MED13L: variants seen among roughly 807,000 people sequenced by gnomAD.
The protein encoded by MED13L is mediator complex subunit 13L, also known as mediator of RNA polymerase II transcription subunit 13-like.
A neutral mutation model predicts 220.9 loss-of-function variants in MED13L; 7 were observed. The ratio of observed to expected loss-of-function variants is 0.03; its 90% CI spans 0.02 to 0.06. The LOEUF (loss-of-function observed/expected upper bound fraction) is 0.06, where lower values mean the gene tolerates loss of function less well. Among genes scored for constraint, MED13L ranks in the 10% least tolerant of loss-of-function variants. The pLI, the probability that MED13L is intolerant of heterozygous loss-of-function variation, is 1.00. For synonymous variants in MED13L, 1,011 were observed against 1,015.2 expected (o/e 1.00, Z 0.08); for missense variants, 1,965 against 2,760.5 (o/e 0.71, Z 6.46).
intron 2 of MED13L, among the ~76,000 whole-genome samples, chr12:116,162,202 T>TA (rs145366188): frequency 1.0e-3 from 158 of 151,178 alleles, no homozygotes; most frequent in Admixed American, 2.4e-3. Flanking sequence ...TTAACCCTTA[T>TA]AAAAAAAAAG....
intron 4 of MED13L, among the ~76,000 whole-genome samples, chr12:116,076,174 A>C (rs1384198839): frequency 4.6e-5 from 7 of 152,060 alleles, no homozygotes; most frequent in African/African-American, 1.7e-4. Context: ...CGGCCTCCCA[A>C]AGTGCTGGCC....
intron 2 of MED13L, among the ~76,000 whole-genome samples, chr12:116,162,151 T>C (rs1878900660): frequency 6.6e-6 from 1 of 152,218 alleles, no homozygotes; most frequent in Non-Finnish European, 1.5e-5. Context: ...AAACAGGAGA[T>C]TCTAGCCTAC....
chr12:116,182,438 T>C (rs906666377), intron 2 of MED13L, among the ~76,000 whole-genome samples: 6 of 152,206 alleles, frequency 3.9e-5, no homozygotes, highest in African/African-American at 1.2e-4. Flanking sequence ...CAGAAACCAC[T>C]GAAAGAGAAA....
chr12:116,222,400 T>C (rs1235145458), intron 2 of MED13L, among the ~76,000 whole-genome samples: 2 of 152,220 alleles, frequency 1.3e-5, no homozygotes, highest in African/African-American at 4.8e-5. Context: ...AGAAGAATGA[T>C]AGATTTATTT....
intron 23 of MED13L, among the ~76,000 whole-genome samples, chr12:115,978,148 CAT>C (rs1877074374): frequency 6.6e-6 from 1 of 151,994 alleles, no homozygotes; most frequent in African/African-American, 2.4e-5. Flanking sequence ...CAGGCAGCTC[CAT>C]AGAGACAGCA....
chr12:116,207,084 G>A (rs549932888), intron 2 of MED13L, among the ~76,000 whole-genome samples: 244 of 151,784 alleles, frequency 1.6e-3, no homozygotes, highest in African/African-American at 5.3e-3. Flanking sequence ...CCATGATGAC[G>A]TTTCAGTCAA....
intron 2 of MED13L, among the ~76,000 whole-genome samples, chr12:116,145,497 T>C (rs1482751316): frequency 1.3e-5 from 2 of 152,016 alleles, no homozygotes; most frequent in Admixed American, 1.3e-4. Flanking sequence ...TCAAGCGCTT[T>C]TTTTTCTTTT....
intron 4 of MED13L, among the ~76,000 whole-genome samples, chr12:116,079,446 G>A (rs1385870209): frequency 2.0e-5 from 3 of 152,040 alleles, no homozygotes; most frequent in African/African-American, 4.8e-5. Context: ...GGCTGGTCTC[G>A]AACTCCTAGG....
At chr12:116,161,821 G>A (rs923282976) in intron 2 of MED13L, among the ~76,000 whole-genome samples, 3 of 152,080 alleles carry the variant, frequency 2.0e-5, no homozygotes, top group Non-Finnish European at 4.4e-5. Flanking sequence ...AAATTCCCTT[G>A]TGTTTCTAAC....
At chr12:115,999,705 A>C (rs975014869) in intron 14 of MED13L, among the ~76,000 whole-genome samples, 1 of 152,206 alleles carries the variant, frequency 6.6e-6, no homozygotes, top group African/African-American at 2.4e-5. Flanking sequence ...AGTTCTATTA[A>C]ATTTGTTTTT....
chr12:116,203,082 G>A (rs1436030465), intron 2 of MED13L, among the ~76,000 whole-genome samples: 1 of 152,142 alleles, frequency 6.6e-6, no homozygotes, highest in African/African-American at 2.4e-5. Context: ...TACAAAAACA[G>A]CGGGACCAAA....
At chr12:116,110,392 A>C (rs1873982253) in intron 3 of MED13L, 1 of 150,966 alleles carries the variant, frequency 6.6e-6, no homozygotes, top group South Asian at 2.1e-4. Context: ...TAAATAAGGA[A>C]ATAAAATGCA....
intron 2 of MED13L, among the ~76,000 whole-genome samples, chr12:116,206,059 C>T (rs1261804131): frequency 7.3e-6 from 1 of 137,610 alleles, no homozygotes; most frequent in East Asian, 2.2e-4. Context: ...TATAGAGATA[C>T]TTAAGTATTA....
intron 4 of MED13L, among the ~76,000 whole-genome samples, chr12:116,071,089 C>T (rs1273220022): frequency 1.3e-5 from 2 of 151,520 alleles, no homozygotes; most frequent in African/African-American, 4.9e-5. Flanking sequence ...TTGAAGAAAA[C>T]TGAAAAATAC....
chr12:116,197,571 A>C (rs1011746052), intron 2 of MED13L, among the ~76,000 whole-genome samples: 1 of 152,126 alleles, frequency 6.6e-6, no homozygotes, highest in African/African-American at 2.4e-5. Context: ...GTTCAAGACC[A>C]GCCTGACCAA....
chr12:116,143,904 T>C (rs563397547), intron 2 of MED13L, among the ~76,000 whole-genome samples: 1 of 152,290 alleles, frequency 6.6e-6, no homozygotes, highest in South Asian at 2.1e-4. Flanking sequence ...ACTTGTACCT[T>C]AAAGGTTATG....
At chr12:116,239,522 C>T (rs187687837) in intron 1 of MED13L, among the ~76,000 whole-genome samples, 49 of 152,216 alleles carry the variant, frequency 3.2e-4, no homozygotes, top group African/African-American at 1.2e-3. Flanking sequence ...CTTCAAAATA[C>T]ACTTTTAATC....
At chr12:116,036,155 T>C (rs933979966) in intron 4 of MED13L, among the ~76,000 whole-genome samples, 4 of 152,182 alleles carry the variant, frequency 2.6e-5, no homozygotes, top group Admixed American at 6.5e-5. Flanking sequence ...ATTCACCAGA[T>C]AGATGAATGC....
At position 116,062,708 on chromosome 12, in the gene MED13L, G is replaced by T. The variant is rs146079878; in HGVS notation, c.479+33961C>A. ...TCCCCATATTGGCCAGGATGGTCTC[G>T]ATCTCTTGACCCTGTGATCCGACCA... On this transcript the variant is annotated intron_variant, in intron 4 of 30. Transcript: ENST00000281928. Among the ~76,000 whole-genome samples the T allele has an allele frequency of 1.2e-3, 188 of 152,084 alleles. 2 individuals are homozygous for T. Among genetic ancestry groups the T allele is most frequent in the East Asian group, 3.7e-3 (19 of 5,154 alleles).
Sources: allele counts gnomAD v4.1 joint callset (sites outside exome capture counted in the v4.1 genomes callset), GRCh38; gene constraint gnomAD v4.1.1; transcripts MANE v1.5; gene names NCBI Gene and HGNC (gene_info 2026-07-23, HGNC 2026-07-21).